MYO5C: variants seen among roughly 807,000 people sequenced by gnomAD.
The protein encoded by MYO5C is myosin VC.
Under a neutral mutation model 235.7 loss-of-function variants are expected in MYO5C, and 194 were observed. That is an observed-to-expected ratio of 0.82 (90% CI 0.73 to 0.93). The LOEUF is 0.93. MYO5C is among the 40% of genes least tolerant of loss of function. The pLI is 0.00. For synonymous variants in MYO5C, 707 were observed against 754.8 expected, an observed-to-expected ratio of 0.94 and a Z score of 1.04; for missense variants, 2,038 against 2,127.2, an observed-to-expected ratio of 0.96 and a Z score of 0.82.
chr15:52,235,066 G>C (rs1457425488), intron 23 of MYO5C, among the ~76,000 whole-genome samples: 1 of 152,224 alleles, frequency 6.6e-6, no homozygotes, highest in African/African-American at 2.4e-5. Flanking sequence ...AAGCTCAAAT[G>C]TGTAGAGCTA....
Position 52,266,181 on chromosome 15 carries a change from GA to G in MYO5C, c.941-1886del, listed in dbSNP as rs569759810. ...ACAACTCCAAAACATTAATACAAAA[GA>G]AAGAACTCAAGACCTGCGTTAAGTA... On this transcript the variant is annotated intron_variant, in intron 8 of 40. Transcript: ENST00000261839. 1.6e-3 allele frequency among the ~76,000 whole-genome samples: 233 copies of G among 147,124 alleles called. 2 individuals are homozygous for G. Among genetic ancestry groups the G allele is most frequent in the African/African-American group, 5.5e-3 (219 of 39,908 alleles).
At chr15:52,221,776 GT>G (rs954839499) in intron 29 of MYO5C, among the ~76,000 whole-genome samples, 3 of 151,884 alleles carry the variant, frequency 2.0e-5, no homozygotes, top group African/African-American at 4.8e-5. Flanking sequence ...TTAAAACAGG[GT>G]TTTTTTTCCT....
intron 20 of MYO5C, 129 bp from the exon 21 acceptor site, chr15:52,240,008 T>G: frequency 1.1e-6 from 1 of 914,784 alleles, no homozygotes; most frequent in Non-Finnish European, 1.6e-6. Flanking sequence ...TGCACAGCCG[T>G]ATTACAGCTA....
chr15:52,193,887 T>G lies in MYO5C; in HGVS notation c.*15A>C. 6.3e-7 allele frequency: 1 copy of G among 1,599,314 alleles called. No homozygotes were observed. The highest frequency in any genetic ancestry group is 8.5e-7 in the Non-Finnish European group (1 of 1,175,790). On this transcript the variant is annotated 3_prime_UTR_variant, in exon 41 of 41. Coordinates refer to ENST00000261839, the MANE Select transcript of MYO5C (RefSeq NM_018728.4). ...CTTAGCTTTTGAAGAAAAAGTGCATTGACTTTTTCTCCTGCTATAACCTAT... is the reference window on the plus strand; with the variant it reads ...CTTAGCTTTTGAAGAAAAAGTGCATGGACTTTTTCTCCTGCTATAACCTAT...
intron 4 of MYO5C, among the ~76,000 whole-genome samples, chr15:52,276,599 T>C (rs2037058210): frequency 2.0e-5 from 3 of 152,162 alleles, no homozygotes; most frequent in Admixed American, 1.3e-4. Flanking sequence ...GGAACCGTCA[T>C]GAAATCAGAG....
intron 5 of MYO5C, among the ~76,000 whole-genome samples, chr15:52,274,155 C>T (rs1029516213): frequency 4.8e-4 from 73 of 152,286 alleles, no homozygotes; most frequent in African/African-American, 1.6e-3. Flanking sequence ...GCCATGCGCT[C>T]GGTAAACAAA....
At position 52,211,896 on chromosome 15, in the gene MYO5C, A is replaced by C. The variant is rs1193681098; in HGVS notation, c.4142-12T>G. 1 of 1,612,216 alleles carries C rather than the reference A, an allele frequency of 6.2e-7. No homozygotes were observed. Among genetic ancestry groups the C allele is most frequent in the African/African-American group, 1.3e-5 (1 of 74,880 alleles). On this transcript the variant is annotated splice_polypyrimidine_tract_variant and intron_variant, in intron 34 of 40. Transcript: ENST00000261839. ...ACGGGGCTTCAAGTCTGAAGCAGAGAGAGCCAATGAGGATTACAGCTGACA... is the reference window on the plus strand; with the variant it reads ...ACGGGGCTTCAAGTCTGAAGCAGAGCGAGCCAATGAGGATTACAGCTGACA...
intron 10 of MYO5C, among the ~76,000 whole-genome samples, chr15:52,259,653 T>C (rs2036650802): frequency 6.6e-6 from 1 of 152,256 alleles, no homozygotes; most frequent in Non-Finnish European, 1.5e-5. Context: ...AGGTAAATAA[T>C]TGACTAGGCT....
intron 25 of MYO5C, among the ~76,000 whole-genome samples, chr15:52,228,155 T>G (rs1021691791): frequency 6.6e-6 from 1 of 152,182 alleles, no homozygotes; most frequent in African/African-American, 2.4e-5. Context: ...CAATTTTTTT[T>G]TTTTTTGAGA....
chr15:52,229,910 C>A (rs2035911023), intron 24 of MYO5C, among the ~76,000 whole-genome samples: 1 of 152,186 alleles, frequency 6.6e-6, no homozygotes, highest in South Asian at 2.1e-4. Flanking sequence ...GGTTTTGGGG[C>A]ACTGTATTCC....
Position 52,211,889 on chromosome 15 carries a change from A to G in MYO5C, c.4142-5T>C, listed in dbSNP as rs113618758. 187 of 1,613,180 alleles carry G rather than the reference A, an allele frequency of 1.2e-4. 3 individuals are homozygous for G. The African/African-American group carries it at 1.6e-3, about 14-fold the overall frequency. On this transcript the variant is annotated splice_region_variant and splice_polypyrimidine_tract_variant and intron_variant, in intron 34 of 40. Coordinates refer to ENST00000261839, the MANE Select transcript of MYO5C (RefSeq NM_018728.4). ...CCACGCCACGGGGCTTCAAGTCTGA[A>G]GCAGAGAGAGCCAATGAGGATTACA...
chr15:52,218,147 A>G (rs1312585561), intron 32 of MYO5C, among the ~76,000 whole-genome samples: 2 of 152,234 alleles, frequency 1.3e-5, no homozygotes, highest in African/African-American at 4.8e-5. Context: ...CCCCAGAAGA[A>G]AGCATGGGCA....
intron 38 of MYO5C, among the ~76,000 whole-genome samples, chr15:52,199,093 CTG>C (rs569450568): frequency 5.5e-4 from 84 of 151,892 alleles, no homozygotes; most frequent in African/African-American, 2.0e-3. Context: ...CAGGGTTTCA[CTG>C]TGTTAGCCAG....
rs1394321771 is a variant in MYO5C, at chr15:52,253,426, A to G, written c.1427T>C (p.Met476Thr). 5.0e-6 allele frequency: 8 copies of G among 1,613,558 alleles called. No individual in the cohort carries two copies. Among genetic ancestry groups the G allele is most frequent in the Non-Finnish European group, 6.8e-6 (8 of 1,179,778 alleles). The change falls in exon 12 of 41, where the codon ATG (methionine) becomes ACG (threonine). Residue 476 changes from methionine (M) to threonine (T), a missense_variant. Coordinates refer to ENST00000261839, the MANE Select transcript of MYO5C (RefSeq NM_018728.4). ...HVFKLEQEEY[M>T]KEDIPWTLID... ...CAGCGTCCAAGGTATATCTTCCTTC[A>G]TGTATTCTTCTTGTTCCAGTTTGAA...
chr15:52,290,607 G>A (rs1296781334), intron 1 of MYO5C, among the ~76,000 whole-genome samples: 16 of 136,374 alleles, frequency 1.2e-4, no homozygotes, highest in Non-Finnish European at 4.7e-5. Context: ...TCTAATTAAT[G>A]AGCAAGAGCA....
At chr15:52,257,599 G>GA (rs1174193229) in intron 10 of MYO5C, among the ~76,000 whole-genome samples, 1 of 152,190 alleles carries the variant, frequency 6.6e-6, no homozygotes, top group Non-Finnish European at 1.5e-5. Context: ...GCAGCTTGCT[G>GA]AGCACTTTTA....
chr15:52,195,254 C>CTGAA, intron 40 of MYO5C, 123 bp downstream of exon 40: 1 of 624,064 alleles, frequency 1.6e-6, no homozygotes, highest in Non-Finnish European at 2.6e-6. Flanking sequence ...AGCTGGGTGC[C>CTGAA]TTTCATTTGT....
intron 35 of MYO5C, 132 bp downstream of exon 35, chr15:52,211,598 A>T: frequency 1.1e-6 from 1 of 951,690 alleles, no homozygotes; most frequent in Non-Finnish European, 1.6e-6. Context: ...TCCCTTCACT[A>T]GTTGGGCCTC....
rs11638448 is a variant in MYO5C at position 52,260,024 on chromosome 15, C to A, written c.1313+838G>T. Among the ~76,000 whole-genome samples, 5 of 152,298 alleles carry A rather than the reference C, an allele frequency of 3.3e-5. No homozygotes were observed. The South Asian group carries it at 8.3e-4, about 25-fold the overall frequency. On this transcript the variant is annotated intron_variant, in intron 10 of 40. Coordinates refer to ENST00000261839, the MANE Select transcript of MYO5C (RefSeq NM_018728.4). ...TCTTCCCCTTCTCCTGTTAAGAAAC[C>A]AGGGTGGGTCCCAGGAGAGGGGCAA...
Sources: gnomAD v4.1 joint callset for allele counts (sites outside exome capture counted in the v4.1 genomes callset) on GRCh38, gnomAD v4.1.1 for gene constraint, MANE v1.5 for transcripts, NCBI Gene and HGNC (gene_info 2026-07-23, HGNC 2026-07-21) for gene names.